The following UNC79 variants were observed in gnomAD, a reference collection of about 807,000 sequenced individuals.
UNC79 encodes unc-79 subunit of NALCN channel complex, also known as protein unc-79 homolog.
A neutral mutation model predicts 283.1 loss-of-function variants in UNC79; 37 were observed. That is an observed-to-expected ratio of 0.13 (90% CI 0.10 to 0.17). The LOEUF is 0.17. Among genes scored for constraint, UNC79 ranks in the 10% least tolerant of loss-of-function variants. The pLI, the probability that UNC79 is intolerant of heterozygous loss-of-function variation, is 1.00. For missense variants in UNC79, 2,272 were observed against 3,211.1 expected, an observed-to-expected ratio of 0.71 and a Z score of 7.07; for synonymous variants, 1,107 against 1,200.2, an observed-to-expected ratio of 0.92 and a Z score of 1.61.
chr14:93,701,868 C>T (rs2075555527), intron 47 of UNC79, among the ~76,000 whole-genome samples: 1 of 152,212 alleles, frequency 6.6e-6, no homozygotes, highest in African/African-American at 2.4e-5. Flanking sequence ...TTTAGACCAA[C>T]ATCACTATTC....
intron 45 of UNC79, 65 bp from the exon 49 acceptor site, chr14:93,691,683 AG>A: frequency 6.4e-7 from 1 of 1,572,510 alleles, no homozygotes; most frequent in Non-Finnish European, 8.7e-7. Context: ...GCCATGCGGG[AG>A]GACTCCGTGG....
At chr14:93,426,768 AT>A (rs1012776411), upstream of UNC79, among the ~76,000 whole-genome samples, 4 of 151,518 alleles carry the variant, frequency 2.6e-5, no homozygotes, top group Non-Finnish European at 4.4e-5. Context: ...CATTATAAGC[AT>A]TTTTTTTTCA....
chr14:93,515,704 C>G (rs1437423039), intron 7 of UNC79, among the ~76,000 whole-genome samples: 1 of 151,972 alleles, frequency 6.6e-6, no homozygotes, highest in Non-Finnish European at 1.5e-5. Flanking sequence ...TGTGAAGTTA[C>G]CAATGAACTT....
chr14:93,393,072 A>G (rs182684415), intron 1 of UNC79, among the ~76,000 whole-genome samples: 9 of 152,270 alleles, frequency 5.9e-5, no homozygotes, highest in Admixed American at 5.9e-4. Context: ...TCTTGTGGTG[A>G]GAGAGTTGGT....
chr14:93,634,375 A>G (rs1476513847), intron 31 of UNC79, 146 bp from the exon 34 acceptor site: 1 of 606,800 alleles, frequency 1.6e-6, no homozygotes, highest in Non-Finnish European at 2.9e-6. Flanking sequence ...GAGTACCTTA[A>G]TTTTTCATTT....
At chr14:93,357,770 GATATGTGGATATATGGATATAT>G (rs2054127387) in intron 1 of UNC79, among the ~76,000 whole-genome samples, 2 of 62,316 alleles carry the variant, frequency 3.2e-5, no homozygotes, top group Admixed American at 1.6e-4. Context: ...TATATATATG[GATATGTGGATATATGGATATAT>G]ATATATGGAT....
chr14:93,524,223 C>T (rs898475200), intron 8 of UNC79, among the ~76,000 whole-genome samples, 181 bp downstream of exon 8: 1 of 152,158 alleles, frequency 6.6e-6, no homozygotes, highest in African/African-American at 2.4e-5. Flanking sequence ...CAATGAATAG[C>T]GTTGTCTGCA....
At chr14:93,598,530 G>A (rs1196230435) in intron 24 of UNC79, among the ~76,000 whole-genome samples, 1 of 151,960 alleles carries the variant, frequency 6.6e-6, no homozygotes, top group Non-Finnish European at 1.5e-5. Context: ...TTTTTGCTTT[G>A]TTTTGTTTTG....
In UNC79 at chr14:93,459,752, G is replaced by T. The variant is rs1357825512; in HGVS notation, c.23-7919G>T. On this transcript the variant is annotated intron_variant, in intron 1 of 48. Coordinates refer to ENST00000555664, the Ensembl canonical transcript of UNC79. ...GTGGCGCTATCCCGGCTCACTGCAA[G>T]CTCCGCCTCTTGGGTTCATGCCATT... Among the ~76,000 whole-genome samples, 429 of 113,932 alleles carry T rather than the reference G, an allele frequency of 3.8e-3. 6 individuals are homozygous for T. The highest frequency in any genetic ancestry group is 0.014 in the African/African-American group (410 of 28,580). The allele number at this position is 113,932 out of a possible 152,430, so 74.7% of individuals were successfully genotyped here.
At chr14:93,437,095 G>A (rs897675858) in intron 1 of UNC79, among the ~76,000 whole-genome samples, 2 of 152,050 alleles carry the variant, frequency 1.3e-5, no homozygotes, top group African/African-American at 4.8e-5. Context: ...AAATGCATGT[G>A]TATATACATA....
At chr14:93,346,983 G>A (rs1330231202) in intron 1 of UNC79, among the ~76,000 whole-genome samples, 1 of 152,018 alleles carries the variant, frequency 6.6e-6, no homozygotes, top group Non-Finnish European at 1.5e-5. Flanking sequence ...GGGTGTGCTG[G>A]GTGGAAGGGG....
chr14:93,587,623 T>C (rs2064314113), intron 22 of UNC79, among the ~76,000 whole-genome samples: 1 of 152,220 alleles, frequency 6.6e-6, no homozygotes, highest in Non-Finnish European at 1.5e-5. Context: ...TTAGGGAATT[T>C]GCAATCTAGT....
intron 1 of UNC79, among the ~76,000 whole-genome samples, chr14:93,343,597 A>G (rs1176684098): frequency 1.3e-5 from 2 of 152,130 alleles, no homozygotes; most frequent in Non-Finnish European, 2.9e-5. Flanking sequence ...TGGTTCTTGA[A>G]TCAGAATTAA....
intron 41 of UNC79, among the ~76,000 whole-genome samples, chr14:93,675,831 A>G (rs2073295640): frequency 6.6e-6 from 1 of 152,216 alleles, no homozygotes; most frequent in Non-Finnish European, 1.5e-5. Flanking sequence ...CAATGGATGC[A>G]GGGCATGCTG....
At chr14:93,346,459 G>A (rs1353832918) in intron 1 of UNC79, among the ~76,000 whole-genome samples, 1 of 152,196 alleles carries the variant, frequency 6.6e-6, no homozygotes, top group Non-Finnish European at 1.5e-5. Context: ...ATCAGCCTGG[G>A]TGACACAGTG....
At chr14:93,698,544 G>T (rs2075319907) in intron 47 of UNC79, among the ~76,000 whole-genome samples, 1 of 130,554 alleles carries the variant, frequency 7.7e-6, no homozygotes, top group South Asian at 2.6e-4. Flanking sequence ...GGAGTGCCGT[G>T]GTGCGATCTT....
intron 39 of UNC79, 86 bp downstream of exon 42, chr14:93,659,347 A>G: frequency 2.8e-6 from 3 of 1,081,914 alleles, no homozygotes; most frequent in Non-Finnish European, 4.0e-6. Context: ...TACTGAAGAC[A>G]TAGTTATGGC....
At chr14:93,668,385 A>G (rs2072448916) in intron 40 of UNC79, among the ~76,000 whole-genome samples, 1 of 152,186 alleles carries the variant, frequency 6.6e-6, no homozygotes, top group Non-Finnish European at 1.5e-5. Flanking sequence ...TTAAAATGTC[A>G]TCTATTGTGG....
chr14:93,597,688 C>T (rs1441586635), intron 24 of UNC79, 148 bp downstream of exon 24: 14 of 964,926 alleles, frequency 1.5e-5, no homozygotes, highest in African/African-American at 5.0e-5. Context: ...AAATTTATTT[C>T]GCAGATTGTC....
Sources: allele counts gnomAD v4.1 joint callset (sites outside exome capture counted in the v4.1 genomes callset), GRCh38; gene constraint gnomAD v4.1.1; transcripts MANE v1.5; gene names NCBI Gene and HGNC (gene_info 2026-07-23, HGNC 2026-07-21).